Variants in ZNF547 observed in about 807,000 individuals in gnomAD.
ZNF547 encodes the protein zinc finger protein 547.
ZNF547 carries 4 observed loss-of-function variants against 7.7 expected under a neutral mutation model. The observed-to-expected ratio is 0.52, with a 90% CI of 0.26 to 1.20. ZNF547 has a LOEUF of 1.20. Among genes scored for constraint, ZNF547 ranks in the 50% most tolerant of loss-of-function variants. The probability of loss-of-function intolerance (pLI) is 0.14; values close to 1 mark genes in which losing one functional copy is unlikely to be tolerated. For missense variants in ZNF547, 449 were observed against 485.8 expected (o/e 0.92, Z 0.71); for synonymous variants, 166 against 166.2 (o/e 1.00, Z 0.01).
chr19:57,371,702 A>G, intron 2 of ZNF547, 80 bp from the exon 3 acceptor site: 1 of 1,527,886 alleles, frequency 6.5e-7, no homozygotes, highest in South Asian at 1.3e-5. Flanking sequence ...GGTGGTAAAT[A>G]TAAGTAGAAA....
At chr19:57,365,720 G>T (rs931029446) in intron 1 of ZNF547, among the ~76,000 whole-genome samples, 35 of 151,874 alleles carry the variant, frequency 2.3e-4, no homozygotes, top group Non-Finnish European at 1.9e-4. Context: ...TGTTGGTCAG[G>T]CTGGTCTTGA....
At chr19:57,367,677 C>T (rs535566868) in intron 1 of ZNF547, among the ~76,000 whole-genome samples, 18 of 152,302 alleles carry the variant, frequency 1.2e-4, no homozygotes, top group Admixed American at 6.5e-5. Context: ...AAGGAATGGG[C>T]TTGGGATGGA....
At position 57,378,872 on chromosome 19, in the gene ZNF547, G is replaced by A. The variant is rs1418132793; in HGVS notation, c.*687G>A. ...CTCATTCCCACATTCTTCAGTCCCT[G>A]GCGACCACCATATTTTTAAGTCATT... On this transcript the variant is annotated 3_prime_UTR_variant, in exon 4 of 4. Transcript: ENST00000282282. The A allele has an allele frequency of 6.5e-6, 2 of 307,594 alleles. No individual in the cohort carries two copies. Among genetic ancestry groups the A allele is most frequent in the Non-Finnish European group, 6.4e-6 (1 of 155,636 alleles). The allele number at this position is 307,594 out of a possible 1,614,324, so 19.1% of individuals were successfully genotyped here.
Position 57,377,238 on chromosome 19 carries a change from C to G in ZNF547, c.262C>G (p.Pro88Ala). The G allele has an allele frequency of 1.2e-6, 2 of 1,614,224 alleles. No individual in the cohort carries two copies. The highest frequency in any genetic ancestry group is 1.7e-6 in the Non-Finnish European group (2 of 1,180,046). ...KPCLSTQNTQ[P>A]CETCSSLLKD... ...CTGTCTATCTACCCAGAATACCCAG[C>G]CCTGTGAGACATGTAGCTCACTTCT... The change falls in exon 4 of 4, where the codon CCC becomes GCC. Residue 88 changes from proline to alanine, a missense_variant. By Grantham distance (27) the Pro-to-Ala change is conservative. Coordinates refer to ENST00000282282, the MANE Select transcript of ZNF547 (RefSeq NM_173631.4).
intron 2 of ZNF547, chr19:57,370,957 G>GT (rs11430895): frequency 0.4 from 57,627 of 144,476 alleles, 11,434 homozygotes; most frequent in African/African-American, 0.44. Flanking sequence ...GGGGTTTTTT[G>GT]TTTTTTTTTT....
intron 3 of ZNF547, among the ~76,000 whole-genome samples, chr19:57,374,190 C>T (rs755732519): frequency 3.3e-5 from 5 of 152,242 alleles, no homozygotes; most frequent in African/African-American, 7.2e-5. Flanking sequence ...ACAGGCCCAA[C>T]ACCATGTGCA....
intron 3 of ZNF547, among the ~76,000 whole-genome samples, chr19:57,374,211 GCTTGGGGCTTAAA>G (rs1309886163): frequency 1.3e-5 from 2 of 152,246 alleles, no homozygotes; most frequent in African/African-American, 4.8e-5. Context: ...AGCCACCAAG[GCTTGGGGCTTAAA>G]CTCTGAAGCA....
intron 1 of ZNF547, among the ~76,000 whole-genome samples, chr19:57,365,683 A>G (rs2088463174): frequency 6.6e-6 from 1 of 150,604 alleles, no homozygotes; most frequent in Non-Finnish European, 1.5e-5. Flanking sequence ...TTTTTTTTGT[A>G]TTTTTAGTAG....
At chr19:57,370,412 A>G (rs2088497697) in intron 2 of ZNF547, among the ~76,000 whole-genome samples, 1 of 152,072 alleles carries the variant, frequency 6.6e-6, no homozygotes, top group African/African-American at 2.4e-5. Context: ...CAGGACTGGG[A>G]GTGAATTGGA....
Position 57,377,128 on chromosome 19 carries a change from G to T in ZNF547, c.152G>T (p.Gly51Val). 1.9e-6 allele frequency: 3 copies of T among 1,610,848 alleles called. No individual in the cohort carries two copies. The highest frequency in any genetic ancestry group is 1.7e-6 in the Non-Finnish European group (2 of 1,177,596). The change falls in exon 4 of 4, where the codon GGT (glycine) becomes GTT (valine). Residue 51 changes from glycine to valine, a missense_variant and splice_region_variant. Gly to Val is a moderately radical substitution (Grantham distance 109). Coordinates refer to ENST00000282282, the MANE Select transcript of ZNF547 (RefSeq NM_173631.4). ...CTCACCAGCATTTTTATTCTTACAG[G>T]TTGTTGCCATGGAGCTGAGGATGAG... The part of the protein sequence containing the change: ...LENLALLSSL[G>V]CCHGAEDEEA...
intron 2 of ZNF547, among the ~76,000 whole-genome samples, chr19:57,369,773 A>G (rs187716002): frequency 2.0e-4 from 31 of 151,906 alleles, no homozygotes; most frequent in Non-Finnish European, 4.4e-4. Context: ...GAGGTCGGAG[A>G]GTTGCTAAGC....
At chr19:57,372,863 G>A (rs910211605) in intron 3 of ZNF547, among the ~76,000 whole-genome samples, 18 of 152,176 alleles carry the variant, frequency 1.2e-4, no homozygotes, top group African/African-American at 4.3e-4. Context: ...TCTACACACT[G>A]CTCACTAGTC....
intron 3 of ZNF547, 63 bp downstream of exon 3, chr19:57,371,971 G>A: frequency 2.0e-6 from 3 of 1,497,224 alleles, no homozygotes; most frequent in South Asian, 2.9e-5. Context: ...TTACCTGAAG[G>A]CAGCTCTGCG....
At chr19:57,375,298 T>C (rs1208504117) in intron 3 of ZNF547, among the ~76,000 whole-genome samples, 5 of 151,982 alleles carry the variant, frequency 3.3e-5, no homozygotes. Context: ...TGCAATGAGC[T>C]GAGATCGTGC....
chr19:57,365,708 C>A (rs768526738), intron 1 of ZNF547, among the ~76,000 whole-genome samples: 27 of 151,898 alleles, frequency 1.8e-4, no homozygotes, highest in Non-Finnish European at 3.7e-4. Context: ...GGAGTTTCGC[C>A]ATGTTGGTCA....
chr19:57,365,906 A>G lies in ZNF547; in HGVS notation c.-13+2203A>G, dbSNP rs181603856. On this transcript the variant is annotated intron_variant, in intron 1 of 3. Coordinates refer to ENST00000282282, the MANE Select transcript of ZNF547 (RefSeq NM_173631.4). ...AGATGGAGTCTGGCTCCTGTTGTGC[A>G]GGGGCTGGAGTGCAGTGGCACGATC... Among the ~76,000 whole-genome samples, 27 of 143,712 alleles carry G rather than the reference A, an allele frequency of 1.9e-4. No individual in the cohort carries two copies. The East Asian group carries it at 5.0e-3, about 27-fold the overall frequency. The allele number at this position is 143,712 out of a possible 152,430, so 94.3% of individuals were successfully genotyped here. A position where few individuals can be genotyped will look rare whatever the true frequency, so the allele number is the denominator to read the frequency against.
chr19:57,377,419 G>A lies in ZNF547; in HGVS notation c.443G>A (p.Arg148Lys). Residue 148 changes from arginine to lysine, a missense_variant, in exon 4 of 4, where the codon AGA becomes AAA. Arg to Lys is a conservative substitution (Grantham distance 26). Coordinates refer to ENST00000282282, the MANE Select transcript of ZNF547 (RefSeq NM_173631.4). ...GGRPTFVKNH[R>K]VHMAGKTFLC... Reference sequence around the variant, plus strand: ...AGACCGACATTTGTGAAGAACCACAGAGTTCACATGGCAGGGAAGACCTTC... The same window carrying A: ...AGACCGACATTTGTGAAGAACCACAAAGTTCACATGGCAGGGAAGACCTTC... The A allele has an allele frequency of 6.2e-7, 1 of 1,614,274 alleles. No individual in the cohort carries two copies. The highest frequency in any genetic ancestry group is 8.5e-7 in the Non-Finnish European group (1 of 1,180,056).
In ZNF547 at chr19:57,377,189, G is replaced by A. The variant is rs773463996; in HGVS notation, c.213G>A (p.Val71=). The A allele has an allele frequency of 1.2e-5, 19 of 1,614,204 alleles. No individual in the cohort carries two copies. The highest frequency in any genetic ancestry group is 1.1e-5 in the Non-Finnish European group (13 of 1,180,050). Residue 71 remains valine (V), a synonymous_variant, in exon 4 of 4, where the codon GTG becomes GTA. Transcript: ENST00000282282. Reference sequence around the variant, plus strand: ...TAGAGCCAGGTGTTTCTGTAGGAGTGTCACAGGTCATGGCTCCAAAGCCCT... The same window carrying A: ...TAGAGCCAGGTGTTTCTGTAGGAGTATCACAGGTCATGGCTCCAAAGCCCT... The part of the protein sequence containing the change: ...APLEPGVSVG[V]SQVMAPKPCL...
chr19:57,378,713 C>T lies in ZNF547; in HGVS notation c.*528C>T, dbSNP rs2088555475. The T allele has an allele frequency of 2.5e-6, 1 of 406,390 alleles. No homozygotes were observed. The highest frequency in any genetic ancestry group is 4.8e-6 in the Non-Finnish European group (1 of 208,110). 25.2% of individuals were successfully genotyped at this position (406,390 alleles called of 1,614,324 possible). On this transcript the variant is annotated 3_prime_UTR_variant, in exon 4 of 4. Transcript: ENST00000282282. ...TAAAAAACAATGGTGAAGTACATGCCACATAAAATTTGCCATCTTAACTAT... is the reference window on the plus strand; with the variant it reads ...TAAAAAACAATGGTGAAGTACATGCTACATAAAATTTGCCATCTTAACTAT...
Sources: gnomAD v4.1 joint callset for allele counts (sites outside exome capture counted in the v4.1 genomes callset) on GRCh38, gnomAD v4.1.1 for gene constraint, MANE v1.5 for transcripts, NCBI Gene and HGNC (gene_info 2026-07-23, HGNC 2026-07-21) for gene names.